The following TRIO variants were observed in gnomAD, a reference collection of about 807,000 sequenced individuals.
TRIO encodes triple functional domain protein.
TRIO carries 58 observed loss-of-function variants against 351.9 expected under a neutral mutation model. The observed-to-expected ratio is 0.16, with a 90% CI of 0.13 to 0.21. The LOEUF (loss-of-function observed/expected upper bound fraction) is 0.21, where lower values mean the gene tolerates loss of function less well. TRIO is among the 10% of genes least tolerant of loss of function. The probability of loss-of-function intolerance (pLI) is 1.00; values close to 1 mark genes in which losing one functional copy is unlikely to be tolerated. For synonymous variants in TRIO, 1,758 were observed against 1,595.7 expected (o/e 1.10, Z -2.42); for missense variants, 3,201 against 4,027.8 (o/e 0.79, Z 5.56).
intron 11 of TRIO, among the ~76,000 whole-genome samples, chr5:14,353,039 T>TA (rs1743280853): frequency 1.3e-5 from 2 of 152,058 alleles, no homozygotes; most frequent in African/African-American, 4.8e-5. Context: ...TTTTTAGGAG[T>TA]AAAAAGATTT....
chr5:14,291,409 G>A (rs1183261447), intron 5 of TRIO, among the ~76,000 whole-genome samples, 181 bp downstream of exon 5: 1 of 151,900 alleles, frequency 6.6e-6, no homozygotes, highest in Non-Finnish European at 1.5e-5. Context: ...TACTCGTTGT[G>A]CAATACAGTG....
chr5:14,433,105 A>C (rs1196333771), intron 34 of TRIO, among the ~76,000 whole-genome samples: 1 of 152,188 alleles, frequency 6.6e-6, no homozygotes, highest in Admixed American at 6.5e-5. Flanking sequence ...GTGCAAACAG[A>C]GAATGTCACA....
At chr5:14,292,456 C>T (rs1040199009) in intron 5 of TRIO, among the ~76,000 whole-genome samples, 1 of 152,168 alleles carries the variant, frequency 6.6e-6, no homozygotes, top group Non-Finnish European at 1.5e-5. Context: ...TATATTGAAC[C>T]TTAAGGGAGA....
intron 43 of TRIO, among the ~76,000 whole-genome samples, 159 bp from the exon 44 acceptor site, chr5:14,481,075 C>T (rs1407213459): frequency 1.3e-5 from 2 of 152,082 alleles, no homozygotes; most frequent in African/African-American, 4.8e-5. Context: ...CCTGTAGTCC[C>T]AGCTACTCAG....
chr5:14,181,080 C>G (rs1333929342), intron 1 of TRIO, among the ~76,000 whole-genome samples: 1 of 92,558 alleles, frequency 1.1e-5, no homozygotes, highest in Non-Finnish European at 2.1e-5. Flanking sequence ...CAATGGAATA[C>G]TACAATGTAT....
At chr5:14,154,823 C>G (rs1350682455) in intron 1 of TRIO, among the ~76,000 whole-genome samples, 2 of 152,170 alleles carry the variant, frequency 1.3e-5, no homozygotes, top group South Asian at 2.1e-4. Flanking sequence ...AGATTGTGCT[C>G]TAAACATTTA....
At chr5:14,410,552 A>G (rs1579575818) in intron 33 of TRIO, among the ~76,000 whole-genome samples, 1 of 152,228 alleles carries the variant, frequency 6.6e-6, no homozygotes, top group Admixed American at 6.5e-5. Context: ...ACGCAGGCAG[A>G]TGGATCTGGC....
rs557922366 is a variant in TRIO, at chr5:14,396,044, T to TAAAAAA, written c.4312-981_4312-976dup. 4.6e-5 allele frequency among the ~76,000 whole-genome samples: 3 copies of TAAAAAA among 64,548 alleles called. No homozygotes were observed. The East Asian group carries it at 1.7e-3, about 37-fold the overall frequency. The allele number at this position is 64,548 out of a possible 152,430, so 42.3% of individuals were successfully genotyped here. ...CTGGGCGACAGAGCAAGACTCCGCC[T>TAAAAAA]AAAAAAAAAAAAAAAAAAAAAAAGG... On this transcript the variant is annotated intron_variant, in intron 28 of 56. Transcript: ENST00000344204.
At position 14,486,081 on chromosome 5, in the gene TRIO, T is replaced by G. The variant is rs559640153; in HGVS notation, c.6835+835T>G. Among the ~76,000 whole-genome samples the G allele has an allele frequency of 3.9e-5, 6 of 152,312 alleles. No homozygotes were observed. The South Asian group carries it at 8.3e-4, about 21-fold the overall frequency. On this transcript the variant is annotated intron_variant, in intron 47 of 56. Transcript: ENST00000344204. Reference sequence around the variant, plus strand: ...CAGAACACAGCGGGCGTGGCCACACTACCCTTCCATTGCCTCTTAATGTAT... The same window carrying G: ...CAGAACACAGCGGGCGTGGCCACACGACCCTTCCATTGCCTCTTAATGTAT...
chr5:14,421,216 A>ATTAT (rs1275421945), intron 34 of TRIO, among the ~76,000 whole-genome samples: 2,831 of 135,650 alleles, frequency 0.021, 162 homozygotes, highest in African/African-American at 0.079. Context: ...CCCTTATTTA[A>ATTAT]TTATTTATTT....
Position 14,498,581 on chromosome 5 carries a change from CG to C in TRIO, c.8274del (p.Cys2759AlafsTer16). On this transcript the variant is annotated frameshift_variant, in exon 53 of 57. Transcript: ENST00000344204. LOFTEE classifies it high-confidence loss of function. ...GVTTEDDGIYTCIAVNDMGSA... is the reference protein window; with the variant it reads ...GVTTEDDGIYXCIAVNDMGSA... Reference sequence around the variant, plus strand: ...ACCACGGAAGATGACGGCATCTACACGTGCATCGCTGTCAATGACATGGGTT... The same window carrying C: ...ACCACGGAAGATGACGGCATCTACACTGCATCGCTGTCAATGACATGGGTT... 6.2e-7 allele frequency: 1 copy of C among 1,614,226 alleles called. No homozygotes were observed. Among genetic ancestry groups the C allele is most frequent in the Non-Finnish European group, 8.5e-7 (1 of 1,180,032 alleles).
At chr5:14,314,460 T>C (rs1244763499) in intron 8 of TRIO, among the ~76,000 whole-genome samples, 1 of 152,194 alleles carries the variant, frequency 6.6e-6, no homozygotes, top group Non-Finnish European at 1.5e-5. Flanking sequence ...ATGCGAGTAT[T>C]GAGAATGGTT....
At chr5:14,430,527 C>T (rs1158083854) in intron 34 of TRIO, among the ~76,000 whole-genome samples, 1 of 152,068 alleles carries the variant, frequency 6.6e-6, no homozygotes, top group Non-Finnish European at 1.5e-5. Context: ...TCCATCCTTG[C>T]AAAGTTCTTC....
At chr5:14,338,240 C>T (rs968935176) in intron 11 of TRIO, among the ~76,000 whole-genome samples, 3 of 152,174 alleles carry the variant, frequency 2.0e-5, no homozygotes, top group African/African-American at 7.2e-5. Flanking sequence ...GGCCGTACCC[C>T]TGCTTTTAAA....
At chr5:14,272,865 T>C (rs1275218233) in intron 2 of TRIO, among the ~76,000 whole-genome samples, 1 of 152,248 alleles carries the variant, frequency 6.6e-6, no homozygotes, top group Non-Finnish European at 1.5e-5. Flanking sequence ...ACTTGTGTTG[T>C]ATTACATTTT....
intron 40 of TRIO, among the ~76,000 whole-genome samples, chr5:14,475,381 G>A (rs1754993002): frequency 1.3e-5 from 2 of 152,090 alleles, no homozygotes; most frequent in African/African-American, 4.8e-5. Flanking sequence ...CATTAGGCCT[G>A]GGTGTTCCCC....
At chr5:14,436,947 C>T (rs369436752) in intron 34 of TRIO, among the ~76,000 whole-genome samples, 12 of 152,148 alleles carry the variant, frequency 7.9e-5, no homozygotes, top group Admixed American at 2.6e-4. Context: ...TGCCATTCTG[C>T]GGGTCTGGAG....
At chr5:14,379,896 C>T (rs982545179) in intron 20 of TRIO, among the ~76,000 whole-genome samples, 9 of 152,216 alleles carry the variant, frequency 5.9e-5, no homozygotes, top group East Asian at 1.9e-4. Flanking sequence ...CCAGTGCTTT[C>T]GCAGACCGGC....
chr5:14,485,467 C>T (rs1159399316), intron 47 of TRIO, among the ~76,000 whole-genome samples: 1 of 152,188 alleles, frequency 6.6e-6, no homozygotes, highest in Non-Finnish European at 1.5e-5. Flanking sequence ...GGGCACTGAG[C>T]GGCTGAGTAA....
Sources: allele counts gnomAD v4.1 joint callset (sites outside exome capture counted in the v4.1 genomes callset), GRCh38; gene constraint gnomAD v4.1.1; transcripts MANE v1.5; gene names NCBI Gene and HGNC (gene_info 2026-07-23, HGNC 2026-07-21).